Variants in EMID1 observed in about 807,000 individuals in gnomAD.
The protein encoded by EMID1 is EMI domain containing 1, also known as EMI domain-containing protein 1.
Under a neutral mutation model 60.6 loss-of-function variants are expected in EMID1, and 40 were observed. That is an observed-to-expected ratio of 0.66 (90% CI 0.51 to 0.86). EMID1 has a LOEUF of 0.86. Among genes scored for constraint, EMID1 ranks in the 40% least tolerant of loss-of-function variants. EMID1 has a pLI of 0.00. For synonymous variants in EMID1, 242 were observed against 231.0 expected (o/e 1.05, Z -0.43); for missense variants, 585 against 597.1 (o/e 0.98, Z 0.21).
chr22:29,211,086 C>CGT (rs1047039495), intron 1 of EMID1, among the ~76,000 whole-genome samples: 4 of 152,022 alleles, frequency 2.6e-5, no homozygotes, highest in African/African-American at 9.7e-5. Flanking sequence ...AGAGGGCATG[C>CGT]GTGTGTGTGT....
Position 29,259,146 on chromosome 22 carries a change from G to A in EMID1, c.*202G>A. On this transcript the variant is annotated 3_prime_UTR_variant, in exon 15 of 15. Coordinates refer to ENST00000334018, the MANE Select transcript of EMID1 (RefSeq NM_133455.4). ...GAGCAAGGGCTGAGAGGAGAGGCTT[G>A]GGCCTCAGTTTCCCTCTGTGAAGTG... 2.5e-6 allele frequency: 2 copies of A among 787,504 alleles called. No individual in the cohort carries two copies. Among genetic ancestry groups the A allele is most frequent in the Non-Finnish European group, 3.8e-6 (2 of 525,024 alleles). 48.8% of individuals were successfully genotyped at this position (787,504 alleles called of 1,614,324 possible).
At chr22:29,249,727 G>A (rs994499938) in intron 13 of EMID1, among the ~76,000 whole-genome samples, 1 of 151,756 alleles carries the variant, frequency 6.6e-6, no homozygotes, top group South Asian at 2.1e-4. Flanking sequence ...CGATTCTTCT[G>A]TCTCAGCCTC....
chr22:29,219,896 T>C (rs146850084), intron 3 of EMID1, among the ~76,000 whole-genome samples: 12 of 152,286 alleles, frequency 7.9e-5, no homozygotes, highest in African/African-American at 2.9e-4. Flanking sequence ...CACTCATCTC[T>C]TTCATCTTAA....
At chr22:29,255,462 C>A in intron 14 of EMID1, 2 of 875,378 alleles carry the variant, frequency 2.3e-6, no homozygotes, top group Non-Finnish European at 1.6e-6. Flanking sequence ...CCCAGGCCAG[C>A]GGACACTCAT....
In EMID1 at chr22:29,231,053, C is replaced by A. The variant is rs1321883314; in HGVS notation, c.499C>A (p.Pro167Thr). Reference protein sequence around the residue: ...TMLTVIEQPVPPTPATPEDPA... With the variant: ...TMLTVIEQPVTPTPATPEDPA... ...GCTGACTGTCATAGAGCAGCCAGTA[C>A]CTCCAACACCAGCTACCCCTGAGGA... is the stretch of plus-strand genomic sequence containing the variant. The change falls in exon 6 of 15, where the codon CCT becomes ACT. Residue 167 changes from proline (P) to threonine (T), a missense_variant. By Grantham distance (38) the Pro-to-Thr change is conservative. Transcript: ENST00000334018. 1 of 1,614,044 alleles carries A rather than the reference C, an allele frequency of 6.2e-7. No homozygotes were observed. Among genetic ancestry groups the A allele is most frequent in the South Asian group, 1.1e-5 (1 of 91,068 alleles).
intron 13 of EMID1, among the ~76,000 whole-genome samples, chr22:29,247,432 G>A (rs5763096): frequency 0.59 from 89,034 of 152,046 alleles, 26,242 homozygotes; most frequent in Middle Eastern, 0.66. Flanking sequence ...GCATCATACA[G>A]TGTACATACA....
At chr22:29,210,728 T>A (rs1006438336) in intron 1 of EMID1, among the ~76,000 whole-genome samples, 5 of 152,162 alleles carry the variant, frequency 3.3e-5, no homozygotes, top group Admixed American at 2.6e-4. Flanking sequence ...AAATACTGTT[T>A]TTTTTCTCTA....
intron 12 of EMID1, among the ~76,000 whole-genome samples, chr22:29,235,083 T>C (rs577146690): frequency 6.6e-6 from 1 of 152,280 alleles, no homozygotes; most frequent in South Asian, 2.1e-4. Context: ...CACGGTGGCT[T>C]ACGCCTGTAA....
intron 12 of EMID1, among the ~76,000 whole-genome samples, chr22:29,236,459 G>A (rs2040951544): frequency 6.6e-6 from 1 of 152,122 alleles, no homozygotes; most frequent in South Asian, 2.1e-4. Context: ...GGGAGGTGGA[G>A]GCAGGGGGAT....
Position 29,259,063 on chromosome 22 carries a change from A to G in EMID1, c.*119A>G. On this transcript the variant is annotated 3_prime_UTR_variant, in exon 15 of 15. Coordinates refer to ENST00000334018, the MANE Select transcript of EMID1 (RefSeq NM_133455.4). ...TAATGTCCTCAGGGTCCCTTCTGCC[A>G]TCTAGGCCTTAGGGGTAAGCAGGTC... The G allele has an allele frequency of 6.9e-7, 1 of 1,459,002 alleles. No homozygotes were observed. The highest frequency in any genetic ancestry group is 9.2e-7 in the Non-Finnish European group (1 of 1,090,360). 90.4% of individuals were successfully genotyped at this position (1,459,002 alleles called of 1,614,324 possible).
In EMID1 at chr22:29,214,996, G is replaced by A. The variant is rs1383957711; in HGVS notation, c.172G>A (p.Val58Met). The change falls in exon 2 of 15, where the codon GTG becomes ATG. Residue 58 changes from valine to methionine, a missense_variant. Physicochemically the swap from Val to Met is conservative, Grantham distance 21. Coordinates refer to ENST00000334018, the MANE Select transcript of EMID1 (RefSeq NM_133455.4). ...GCAGAATGGCACCTACCTTCAGCGA[G>A]TGCTGCAGAACTGCCCCTGGCCCAT... ...HVQNGTYLQR[V>M]LQNCPWPMSC... 3 of 1,553,160 alleles carry A rather than the reference G, an allele frequency of 1.9e-6. No homozygotes were observed. Among genetic ancestry groups the A allele is most frequent in the Middle Eastern group, 1.7e-4 (1 of 5,980 alleles).
rs757623375 is a variant in EMID1, at chr22:29,231,065, G to C, written c.511G>C (p.Ala171Pro). The change falls in exon 6 of 15, where the codon GCT becomes CCT. Residue 171 changes from alanine (A) to proline (P), a missense_variant. Transcript: ENST00000334018. ...AGAGCAGCCAGTACCTCCAACACCA[G>C]CTACCCCTGAGGACCCTGCCCCGCT... ...VIEQPVPPTPATPEDPAPLWG... is the reference protein window; with the variant it reads ...VIEQPVPPTPPTPEDPAPLWG... 5 of 1,613,992 alleles carry C rather than the reference G, an allele frequency of 3.1e-6. No homozygotes were observed. The highest frequency in any genetic ancestry group is 2.5e-6 in the Non-Finnish European group (3 of 1,179,912).
intron 13 of EMID1, among the ~76,000 whole-genome samples, chr22:29,250,836 C>G (rs978505578): frequency 7.0e-6 from 1 of 143,134 alleles, no homozygotes; most frequent in Non-Finnish European, 1.5e-5. Flanking sequence ...CTCAGGTGAT[C>G]CATCCGCTTA....
intron 13 of EMID1, among the ~76,000 whole-genome samples, chr22:29,249,412 G>A (rs1435141728): frequency 2.0e-5 from 3 of 151,848 alleles, no homozygotes; most frequent in Non-Finnish European, 4.4e-5. Flanking sequence ...GATTACAGGC[G>A]TGCACGCACA....
chr22:29,252,962 G>A (rs1165448798), intron 13 of EMID1, among the ~76,000 whole-genome samples: 1 of 152,168 alleles, frequency 6.6e-6, no homozygotes, highest in Admixed American at 6.5e-5. Context: ...TTAAGCGCAA[G>A]TTCTCCAAAA....
At chr22:29,252,190 C>T (rs114875770) in intron 13 of EMID1, among the ~76,000 whole-genome samples, 2,297 of 152,274 alleles carry the variant, frequency 0.015, 76 homozygotes, top group African/African-American at 0.053. Context: ...GACCCTGGGA[C>T]CCCCAGGCTG....
intron 1 of EMID1, among the ~76,000 whole-genome samples, chr22:29,206,663 A>G (rs76235991): frequency 0.028 from 4,190 of 152,242 alleles, 204 homozygotes; most frequent in African/African-American, 0.097. Flanking sequence ...GGACAGAGAA[A>G]AGAGGGAGCA....
At chr22:29,236,742 T>C (rs12166644) in intron 12 of EMID1, among the ~76,000 whole-genome samples, 20,523 of 152,134 alleles carry the variant, frequency 0.13, 1,600 homozygotes, top group East Asian at 0.23. Context: ...AATGAAGTGT[T>C]ATTTATATAG....
At chr22:29,223,676 G>C (rs1399165778) in intron 3 of EMID1, among the ~76,000 whole-genome samples, 1 of 152,198 alleles carries the variant, frequency 6.6e-6, no homozygotes, top group Admixed American at 6.5e-5. Context: ...TTTCCTCCTA[G>C]CGGGGAAGTG....
Sources: allele counts gnomAD v4.1 joint callset (sites outside exome capture counted in the v4.1 genomes callset), GRCh38; gene constraint gnomAD v4.1.1; transcripts MANE v1.5; gene names NCBI Gene and HGNC (gene_info 2026-07-23, HGNC 2026-07-21).